The following NT5DC1 variants were observed in gnomAD, a reference collection of about 807,000 sequenced individuals.
The protein encoded by NT5DC1 is 5'-nucleotidase domain-containing protein 1.
In NT5DC1, 42 loss-of-function variants were observed where a neutral mutation model predicts 59.4. The observed-to-expected ratio is 0.71, with a 90% CI of 0.55 to 0.92. The LOEUF is 0.92. Ranked by LOEUF, NT5DC1 falls within the 40% of genes least tolerant of loss-of-function variation. The pLI, the probability that NT5DC1 is intolerant of heterozygous loss-of-function variation, is 0.00. For synonymous variants in NT5DC1, 172 were observed against 188.1 expected (o/e 0.91, Z 0.70); for missense variants, 501 against 537.1 (o/e 0.93, Z 0.66).
chr6:116,115,735 C>G lies in NT5DC1; in HGVS notation c.409C>G (p.Leu137Val). The part of the protein sequence containing the change: ...YDNYFDLPGA[L>V]LCARVVDYLT... ...CAACTACTTTGACCTGCCAGGAGCT[C>G]TTCTGTGTGCCAGGGTGGTGGACTA... Residue 137 changes from leucine (L) to valine (V), a missense_variant, in exon 5 of 12, where the codon CTT becomes GTT. Physicochemically the swap from Leu to Val is conservative, Grantham distance 32 (BLOSUM62 1). Coordinates refer to ENST00000319550, the MANE Select transcript of NT5DC1 (RefSeq NM_152729.3). The G allele has an allele frequency of 6.2e-7, 1 of 1,604,930 alleles. No individual in the cohort carries two copies. The highest frequency in any genetic ancestry group is 2.2e-5 in the East Asian group (1 of 44,782).
At chr6:116,187,048 A>C (rs1002888645) in intron 6 of NT5DC1, among the ~76,000 whole-genome samples, 1 of 152,046 alleles carries the variant, frequency 6.6e-6, no homozygotes, top group Admixed American at 6.6e-5. Flanking sequence ...CTTTTGTCCC[A>C]CAGGGTGCTC....
chr6:116,121,014 C>T lies in NT5DC1; in HGVS notation c.529+3069C>T, dbSNP rs368429477. On this transcript the variant is annotated intron_variant, in intron 6 of 11. Transcript: ENST00000319550. ...TTAGCCCCAGGGTATCCTGCAGGCCCAGCTGGCCCTGTCTCACCTTTAGGG... is the reference window on the plus strand; with the variant it reads ...TTAGCCCCAGGGTATCCTGCAGGCCTAGCTGGCCCTGTCTCACCTTTAGGG... 6 of 1,613,918 alleles carry T rather than the reference C, an allele frequency of 3.7e-6. No individual in the cohort carries two copies. Among genetic ancestry groups the T allele is most frequent in the African/African-American group, 2.7e-5 (2 of 74,918 alleles).
intron 6 of NT5DC1, among the ~76,000 whole-genome samples, chr6:116,193,759 A>T (rs1781169033): frequency 9.2e-6 from 1 of 108,906 alleles, no homozygotes; most frequent in Non-Finnish European, 1.9e-5. Context: ...ACATATAATT[A>T]TACTGTTAAA....
At chr6:116,178,921 TTTTTC>T (rs770928105) in intron 6 of NT5DC1, among the ~76,000 whole-genome samples, 8 of 152,214 alleles carry the variant, frequency 5.3e-5, no homozygotes, top group Non-Finnish European at 7.3e-5. Context: ...AGCCCTCTAA[TTTTTC>T]TTTCCTTATG....
chr6:116,172,367 G>A (rs1780630128), intron 6 of NT5DC1, among the ~76,000 whole-genome samples: 2 of 145,110 alleles, frequency 1.4e-5, no homozygotes, highest in Admixed American at 1.4e-4. Context: ...TGTTGCCCAG[G>A]CTGGAGTGCA....
chr6:116,188,333 G>A (rs781105153), intron 6 of NT5DC1, among the ~76,000 whole-genome samples: 1 of 151,978 alleles, frequency 6.6e-6, no homozygotes, highest in Non-Finnish European at 1.5e-5. Flanking sequence ...GCCATATTAG[G>A]CTGCAATATA....
chr6:116,128,888 G>T (rs761624934), intron 6 of NT5DC1, among the ~76,000 whole-genome samples: 2 of 152,054 alleles, frequency 1.3e-5, no homozygotes, highest in Non-Finnish European at 2.9e-5. Flanking sequence ...AGTTACATTG[G>T]TTTTTGTTAT....
chr6:116,211,574 C>T (rs1446072184), intron 6 of NT5DC1, among the ~76,000 whole-genome samples: 1 of 151,886 alleles, frequency 6.6e-6, no homozygotes, highest in Non-Finnish European at 1.5e-5. Flanking sequence ...TTAACTAGAA[C>T]AGCCATTCAT....
intron 5 of NT5DC1, 29 bp from the exon 6 acceptor site, chr6:116,117,832 G>A (rs1778997642): frequency 1.6e-6 from 2 of 1,279,676 alleles, no homozygotes; most frequent in African/African-American, 1.5e-5. Flanking sequence ...GAATTATTGT[G>A]TTTGTTTCAT....
chr6:116,117,773 TGTCTGCA>T (rs1424438872), intron 5 of NT5DC1, 81 bp from the exon 6 acceptor site: 2 of 708,742 alleles, frequency 2.8e-6, no homozygotes, highest in Non-Finnish European at 5.0e-6. Flanking sequence ...AGTCAGGGAC[TGTCTGCA>T]TTGTAATTGT....
intron 8 of NT5DC1, among the ~76,000 whole-genome samples, chr6:116,223,956 T>TAG (rs1781859302): frequency 6.6e-6 from 1 of 152,216 alleles, no homozygotes; most frequent in Non-Finnish European, 1.5e-5. Flanking sequence ...AATCTAGCTG[T>TAG]ATTTTAAACA....
chr6:116,102,037 A>G (rs1778668728), intron 1 of NT5DC1, among the ~76,000 whole-genome samples: 1 of 152,246 alleles, frequency 6.6e-6, no homozygotes, highest in Non-Finnish European at 1.5e-5. Context: ...GATTTACCTC[A>G]CAAGATTGTT....
chr6:116,231,343 T>C (rs1782017410), intron 8 of NT5DC1, among the ~76,000 whole-genome samples: 1 of 151,984 alleles, frequency 6.6e-6, no homozygotes, highest in African/African-American at 2.4e-5. Flanking sequence ...TAGCCCAGAA[T>C]TGAGGAAGGG....
At chr6:116,110,225 T>C (rs1778846363) in intron 3 of NT5DC1, among the ~76,000 whole-genome samples, 1 of 152,228 alleles carries the variant, frequency 6.6e-6, no homozygotes. Context: ...TAGGATTCTC[T>C]TAACTGGACA....
At chr6:116,144,720 A>C (rs942622941) in intron 6 of NT5DC1, among the ~76,000 whole-genome samples, 1 of 152,192 alleles carries the variant, frequency 6.6e-6, no homozygotes, top group African/African-American at 2.4e-5. Context: ...CACCAGTAAC[A>C]TGTTCCCTAA....
intron 6 of NT5DC1, among the ~76,000 whole-genome samples, chr6:116,144,368 G>A (rs909458223): frequency 4.1e-4 from 63 of 152,162 alleles, no homozygotes; most frequent in African/African-American, 1.5e-3. Context: ...GGGCGTGATG[G>A]TGCACGCCTG....
At position 116,157,327 on chromosome 6, in the gene NT5DC1, A is replaced by G. The variant is rs1180007029; in HGVS notation, c.529+39382A>G. 2.0e-5 allele frequency among the ~76,000 whole-genome samples: 3 copies of G among 152,266 alleles called. No individual in the cohort carries two copies. The East Asian group carries it at 5.8e-4, about 29-fold the overall frequency. ...AGTCAGTTGTCAACGTAACTTGGTT[A>G]GTGGAACCCTAGACAAGTAACTGTA... On this transcript the variant is annotated intron_variant, in intron 6 of 11. Transcript: ENST00000319550.
chr6:116,153,521 T>C (rs1365456601), intron 6 of NT5DC1, among the ~76,000 whole-genome samples: 2 of 152,212 alleles, frequency 1.3e-5, no homozygotes, highest in Admixed American at 6.5e-5. Flanking sequence ...AAACATTTTC[T>C]AATTTTTAAG....
chr6:116,125,474 A>C (rs745826013), intron 6 of NT5DC1: 4 of 1,613,780 alleles, frequency 2.5e-6, no homozygotes, highest in Non-Finnish European at 1.7e-6. Flanking sequence ...AGCAGCAAAA[A>C]GGGTATTTGT....
Sources: gnomAD v4.1 joint callset for allele counts (sites outside exome capture counted in the v4.1 genomes callset) on GRCh38, gnomAD v4.1.1 for gene constraint, MANE v1.5 for transcripts, NCBI Gene and HGNC (gene_info 2026-07-23, HGNC 2026-07-21) for gene names.